Variants in ESRRG observed in about 807,000 individuals in gnomAD.
ESRRG encodes estrogen-related receptor gamma.
ESRRG carries 13 observed loss-of-function variants against 44.0 expected under a neutral mutation model. The observed-to-expected ratio is 0.30, with a 90% CI of 0.19 to 0.47. The LOEUF (loss-of-function observed/expected upper bound fraction) is 0.47, where lower values mean the gene tolerates loss of function less well. Among genes scored for constraint, ESRRG ranks in the 20% least tolerant of loss-of-function variants. The pLI, the probability that ESRRG is intolerant of heterozygous loss-of-function variation, is 1.00. For synonymous variants in ESRRG, 215 were observed against 214.6 expected (o/e 1.00, Z -0.02); for missense variants, 395 against 580.6 (o/e 0.68, Z 3.29).
chr1:216,548,465 G>A (rs2055243605), intron 5 of ESRRG, among the ~76,000 whole-genome samples: 1 of 152,072 alleles, frequency 6.6e-6, no homozygotes. Context: ...GCTAACAGAT[G>A]AGGCAGAGGT....
intron 2 of ESRRG, among the ~76,000 whole-genome samples, chr1:216,934,933 C>A (rs372124657): frequency 7.2e-5 from 11 of 151,814 alleles, no homozygotes; most frequent in Non-Finnish European, 1.2e-4. Context: ...AATGAATGGC[C>A]GGTATGTAGT....
intron 2 of ESRRG, among the ~76,000 whole-genome samples, chr1:216,795,346 T>C (rs1407220692): frequency 2.8e-5 from 4 of 143,490 alleles, no homozygotes; most frequent in Non-Finnish European, 4.6e-5. Flanking sequence ...CTTTTTCTTT[T>C]TTTTTTTTTT....
At chr1:216,595,278 A>G (rs757721308) in intron 3 of ESRRG, among the ~76,000 whole-genome samples, 6 of 152,232 alleles carry the variant, frequency 3.9e-5, no homozygotes, top group Non-Finnish European at 1.5e-5. Flanking sequence ...TCTAGTGCTC[A>G]TGGCACTCAG....
intron 1 of ESRRG, among the ~76,000 whole-genome samples, chr1:217,117,048 T>C (rs1373966959): frequency 2.0e-5 from 3 of 152,150 alleles, no homozygotes; most frequent in African/African-American, 7.2e-5. Context: ...TTGATGATAG[T>C]TATTAATATA....
At chr1:217,027,899 G>A (rs1369778067) in intron 1 of ESRRG, among the ~76,000 whole-genome samples, 1 of 152,146 alleles carries the variant, frequency 6.6e-6, no homozygotes, top group Non-Finnish European at 1.5e-5. Context: ...CATAATCATT[G>A]CCTCAATGCA....
At chr1:216,658,788 G>A (rs965518673) in intron 2 of ESRRG, among the ~76,000 whole-genome samples, 58 of 151,324 alleles carry the variant, frequency 3.8e-4, no homozygotes, top group Admixed American at 3.7e-3. Context: ...AGCTGAAATC[G>A]TGCCACTGCA....
At chr1:216,759,558 A>G (rs2092656640) in intron 2 of ESRRG, among the ~76,000 whole-genome samples, 1 of 152,098 alleles carries the variant, frequency 6.6e-6, no homozygotes, top group Non-Finnish European at 1.5e-5. Flanking sequence ...CTCCCAAATA[A>G]AACCAAAAGA....
intron 2 of ESRRG, among the ~76,000 whole-genome samples, chr1:216,857,150 A>G (rs1206372435): frequency 6.6e-6 from 1 of 152,246 alleles, no homozygotes; most frequent in Admixed American, 6.5e-5. Flanking sequence ...CTATGCAAGA[A>G]CGACCCCCTT....
intron 2 of ESRRG, chr1:216,864,580 A>C (rs1168258513): frequency 6.0e-5 from 9 of 149,244 alleles, no homozygotes; most frequent in South Asian, 2.1e-4. Context: ...GAAAAAAAAA[A>C]CCAAAACACT....
chr1:216,846,583 A>G (rs1304216499), intron 2 of ESRRG, among the ~76,000 whole-genome samples: 1 of 152,064 alleles, frequency 6.6e-6, no homozygotes, highest in Non-Finnish European at 1.5e-5. Context: ...CAGTTTGCCA[A>G]CCCAACCCCT....
intron 2 of ESRRG, among the ~76,000 whole-genome samples, chr1:216,854,352 T>TCAAAAAAAAAAAAAAAAAA (rs2095887825): frequency 7.9e-5 from 1 of 12,582 alleles, no homozygotes; most frequent in African/African-American, 3.6e-4. Flanking sequence ...CAAGACACCA[T>TCAAAAAAAAAAAAAAAAAA]CAAAAAAAAA....
intron 1 of ESRRG, among the ~76,000 whole-genome samples, chr1:216,980,635 C>A (rs1008665772): frequency 6.6e-6 from 1 of 152,118 alleles, no homozygotes; most frequent in Non-Finnish European, 1.5e-5. Context: ...GCTCCCCCAC[C>A]CATTTCAATT....
chr1:216,664,622 G>T (rs1193744591), intron 2 of ESRRG, among the ~76,000 whole-genome samples: 1 of 148,524 alleles, frequency 6.7e-6, no homozygotes, highest in African/African-American at 2.5e-5. Flanking sequence ...TATAAATTTG[G>T]CATATCTATA....
At chr1:216,554,830 C>T (rs2057189634) in intron 5 of ESRRG, among the ~76,000 whole-genome samples, 1 of 152,144 alleles carries the variant, frequency 6.6e-6, no homozygotes, top group South Asian at 2.1e-4. Context: ...GAAAATTCAT[C>T]ATCAACAAGA....
chr1:217,043,678 CT>C (rs2084299731), intron 1 of ESRRG, among the ~76,000 whole-genome samples: 1 of 151,824 alleles, frequency 6.6e-6, no homozygotes, highest in South Asian at 2.1e-4. Context: ...CCAATCCTGG[CT>C]CTTAAAAACA....
At chr1:216,592,586 C>T (rs890156812) in intron 3 of ESRRG, among the ~76,000 whole-genome samples, 3 of 152,022 alleles carry the variant, frequency 2.0e-5, no homozygotes, top group African/African-American at 7.3e-5. Flanking sequence ...CTGCAACCTC[C>T]ACCTCCCAGG....
At chr1:216,935,108 A>T (rs569747284) in intron 2 of ESRRG, among the ~76,000 whole-genome samples, 1 of 152,300 alleles carries the variant, frequency 6.6e-6, no homozygotes, top group South Asian at 2.1e-4. Flanking sequence ...TTCAACACAG[A>T]CACTTCTGTG....
chr1:216,597,845 A>T (rs981622424), intron 3 of ESRRG, among the ~76,000 whole-genome samples: 3 of 152,192 alleles, frequency 2.0e-5, no homozygotes, highest in Non-Finnish European at 4.4e-5. Context: ...AGTGTGGATA[A>T]ATGAAGGGGA....
At chr1:216,753,247 G>A (rs1342200129) in intron 2 of ESRRG, among the ~76,000 whole-genome samples, 1 of 151,334 alleles carries the variant, frequency 6.6e-6, no homozygotes, top group Non-Finnish European at 1.5e-5. Context: ...CATGTTTCTT[G>A]TATTCCTGTA....
Sources: allele counts gnomAD v4.1 joint callset (sites outside exome capture counted in the v4.1 genomes callset), GRCh38; gene constraint gnomAD v4.1.1; transcripts MANE v1.5; gene names NCBI Gene and HGNC (gene_info 2026-07-23, HGNC 2026-07-21).